Variants in PRKG1 observed in about 807,000 individuals in gnomAD.
PRKG1 encodes the protein cGMP-dependent protein kinase 1.
In PRKG1, 35 loss-of-function variants were observed where a neutral mutation model predicts 88.1. The ratio of observed to expected loss-of-function variants is 0.40; its 90% CI spans 0.30 to 0.53. The LOEUF is 0.53. Among genes scored for constraint, PRKG1 ranks in the 20% least tolerant of loss-of-function variants. PRKG1 has a pLI of 0.59. For synonymous variants in PRKG1, 303 were observed against 292.5 expected (o/e 1.04, Z -0.37); for missense variants, 540 against 839.8 (o/e 0.64, Z 4.41).
intron 2 of PRKG1, among the ~76,000 whole-genome samples, chr10:51,365,712 G>C (rs1842574218): frequency 6.6e-6 from 1 of 151,858 alleles, no homozygotes; most frequent in Non-Finnish European, 1.5e-5. Flanking sequence ...CAGATTCCTA[G>C]GGGATTCAAA....
chr10:51,779,067 G>A (rs1838517265), intron 3 of PRKG1, among the ~76,000 whole-genome samples: 1 of 152,074 alleles, frequency 6.6e-6, no homozygotes, highest in East Asian at 1.9e-4. Context: ...GGGATTGTTA[G>A]GTATCCATGT....
At chr10:51,518,446 C>T (rs1282516040) in intron 3 of PRKG1, among the ~76,000 whole-genome samples, 2 of 152,220 alleles carry the variant, frequency 1.3e-5, no homozygotes, top group East Asian at 3.8e-4. Flanking sequence ...CTTTCCTTCT[C>T]TTCTGGGTCT....
intron 2 of PRKG1, among the ~76,000 whole-genome samples, chr10:51,458,268 T>C (rs1412837002): frequency 2.6e-5 from 4 of 152,014 alleles, no homozygotes; most frequent in Admixed American, 2.6e-4. Context: ...ATAAGTGGAG[T>C]AGGAGGTTGA....
chr10:51,030,773 G>C (rs150099570), intron 1 of PRKG1, among the ~76,000 whole-genome samples: 1 of 152,008 alleles, frequency 6.6e-6, no homozygotes, highest in Non-Finnish European at 1.5e-5. Flanking sequence ...GTGATACATC[G>C]GCTCCCCTTT....
intron 7 of PRKG1, among the ~76,000 whole-genome samples, chr10:52,087,545 G>A (rs899089236): frequency 2.6e-5 from 4 of 151,654 alleles, no homozygotes; most frequent in African/African-American, 9.7e-5. Flanking sequence ...GTCTTTAATT[G>A]TATCTAGATT....
chr10:51,445,996 A>G (rs1234451682), intron 2 of PRKG1, among the ~76,000 whole-genome samples: 1 of 151,958 alleles, frequency 6.6e-6, no homozygotes, highest in African/African-American at 2.4e-5. Flanking sequence ...ATGCATTTGA[A>G]AAGATTGCCC....
intron 2 of PRKG1, among the ~76,000 whole-genome samples, chr10:51,429,185 T>A (rs914903574): frequency 2.0e-5 from 3 of 152,216 alleles, no homozygotes; most frequent in African/African-American, 7.2e-5. Flanking sequence ...CAATCACTGG[T>A]TGACCACTAG....
intron 1 of PRKG1, among the ~76,000 whole-genome samples, chr10:51,002,642 A>C (rs1338155187): frequency 6.6e-6 from 1 of 152,128 alleles, no homozygotes; most frequent in Non-Finnish European, 1.5e-5. Context: ...CTTCCTGTAA[A>C]AGGCTATTTC....
At chr10:51,701,655 G>A (rs897621286) in intron 3 of PRKG1, among the ~76,000 whole-genome samples, 1 of 150,054 alleles carries the variant, frequency 6.7e-6, no homozygotes. Flanking sequence ...ACTTTACAAA[G>A]AGAAGGCATA....
chr10:52,261,974 A>G (rs113927015), intron 10 of PRKG1, among the ~76,000 whole-genome samples: 3 of 152,174 alleles, frequency 2.0e-5, no homozygotes, highest in Non-Finnish European at 2.9e-5. Flanking sequence ...GCCATGTCCA[A>G]AAAGTTATTT....
chr10:51,943,880 C>A (rs566694803), intron 5 of PRKG1, among the ~76,000 whole-genome samples: 3 of 151,962 alleles, frequency 2.0e-5, no homozygotes, highest in South Asian at 2.1e-4. Flanking sequence ...GGATTTTTGC[C>A]TCAATGTTCA....
At chr10:52,192,136 A>G (rs961940137) in intron 9 of PRKG1, among the ~76,000 whole-genome samples, 1 of 152,092 alleles carries the variant, frequency 6.6e-6, no homozygotes, top group Non-Finnish European at 1.5e-5. Context: ...ATTTTTATAT[A>G]TTCAATATGT....
chr10:51,460,384 T>C (rs761789048), intron 2 of PRKG1, among the ~76,000 whole-genome samples: 3 of 152,186 alleles, frequency 2.0e-5, no homozygotes, highest in African/African-American at 4.8e-5. Flanking sequence ...TAATTGAAGG[T>C]GCTCATGTAT....
Position 51,721,971 on chromosome 10 carries a change from C to T in PRKG1, c.593-82614C>T, listed in dbSNP as rs1226140156. Among the ~76,000 whole-genome samples the T allele has an allele frequency of 2.0e-5, 3 of 152,200 alleles. No homozygotes were observed. The East Asian group carries it at 5.8e-4, about 29-fold the overall frequency. ...TACAGGCAGGGTGCGGTGGCTTACG[C>T]CTGTAATCCCAGCACTTTGGGAGGC... is the stretch of plus-strand genomic sequence containing the variant. On this transcript the variant is annotated intron_variant, in intron 3 of 17. Coordinates refer to ENST00000373980, the MANE Select transcript of PRKG1 (RefSeq NM_006258.4).
At chr10:52,171,821 A>T (rs1838694615) in intron 9 of PRKG1, among the ~76,000 whole-genome samples, 1 of 90,860 alleles carries the variant, frequency 1.1e-5, no homozygotes, top group Non-Finnish European at 1.8e-5. Flanking sequence ...TTTGAGACGG[A>T]GTCTCGCTCT....
chr10:51,588,412 A>G (rs1238283488), intron 3 of PRKG1, among the ~76,000 whole-genome samples: 1 of 152,222 alleles, frequency 6.6e-6, no homozygotes, highest in Non-Finnish European at 1.5e-5. Flanking sequence ...CCCTATCTCT[A>G]GAGATAATAA....
At chr10:52,072,083 C>T (rs534698815) in intron 7 of PRKG1, among the ~76,000 whole-genome samples, 8 of 146,938 alleles carry the variant, frequency 5.4e-5, no homozygotes, top group South Asian at 2.3e-4. Flanking sequence ...GACTCCTGTG[C>T]GGCTCCAGCT....
chr10:52,099,326 G>C lies in PRKG1; in HGVS notation c.936-34514G>C, dbSNP rs533856464. 3.3e-5 allele frequency among the ~76,000 whole-genome samples: 5 copies of C among 152,232 alleles called. No individual in the cohort carries two copies. The South Asian group carries it at 1.0e-3, about 32-fold the overall frequency. ...AAACACTGCTCTTCCAAAGTGTCCTGAAAGAGAGTTACGATGAGTCATTCT... is the reference window on the plus strand; with the variant it reads ...AAACACTGCTCTTCCAAAGTGTCCTCAAAGAGAGTTACGATGAGTCATTCT... On this transcript the variant is annotated intron_variant, in intron 7 of 17. Coordinates refer to ENST00000373980, the MANE Select transcript of PRKG1 (RefSeq NM_006258.4).
At chr10:51,016,272 C>T (rs879260685) in intron 1 of PRKG1, among the ~76,000 whole-genome samples, 1 of 152,206 alleles carries the variant, frequency 6.6e-6, no homozygotes, top group Admixed American at 6.5e-5. Flanking sequence ...GTATTAATTA[C>T]TCTGCCAGCT....
Sources: gnomAD v4.1 joint callset for allele counts (sites outside exome capture counted in the v4.1 genomes callset) on GRCh38, gnomAD v4.1.1 for gene constraint, MANE v1.5 for transcripts, NCBI Gene and HGNC (gene_info 2026-07-23, HGNC 2026-07-21) for gene names.